Variants in GRIK2 observed in about 807,000 individuals in gnomAD.
GRIK2 encodes the protein glutamate receptor ionotropic, kainate 2.
In GRIK2, 32 loss-of-function variants were observed where a neutral mutation model predicts 100.3. That is an observed-to-expected ratio of 0.32 (90% CI 0.24 to 0.43). GRIK2 has a LOEUF of 0.43. GRIK2 is among the 20% of genes least tolerant of loss of function. GRIK2 has a pLI of 1.00. For missense variants in GRIK2, 843 were observed against 1,114.9 expected (o/e 0.76, Z 3.47); for synonymous variants, 417 against 389.4 (o/e 1.07, Z -0.83).
At chr6:101,742,896 G>A (rs550318456) in intron 7 of GRIK2, among the ~76,000 whole-genome samples, 17 of 152,136 alleles carry the variant, frequency 1.1e-4, no homozygotes, top group Non-Finnish European at 2.1e-4. Flanking sequence ...GCCTAAAACC[G>A]TCTCTCAGGT....
chr6:101,561,290 AATC>A (rs1370124415), intron 2 of GRIK2, among the ~76,000 whole-genome samples: 1 of 152,058 alleles, frequency 6.6e-6, no homozygotes, highest in African/African-American at 2.4e-5. Context: ...GTCCAAGAAA[AATC>A]ATGAGGAAAT....
rs143770694 is a variant in GRIK2 at position 101,968,022 on chromosome 6, C to T, written c.2085+39390C>T. Among the ~76,000 whole-genome samples, 6 of 151,754 alleles carry T rather than the reference C, an allele frequency of 4.0e-5. No homozygotes were observed. The East Asian group carries it at 1.2e-3, about 30-fold the overall frequency. ...GTTCTATTGACGCTTGAGATTCTCT[C>T]TGAGAACTAGAAAAGATGTGACTTC... On this transcript the variant is annotated intron_variant, in intron 14 of 16. Transcript: ENST00000369134.
chr6:101,947,036 A>T (rs1791324305), intron 14 of GRIK2, among the ~76,000 whole-genome samples: 1 of 152,156 alleles, frequency 6.6e-6, no homozygotes, highest in African/African-American at 2.4e-5. Flanking sequence ...TTTTAAAAAG[A>T]TTTACATTCC....
chr6:101,562,479 C>A (rs1777066936), intron 2 of GRIK2, among the ~76,000 whole-genome samples: 2 of 151,918 alleles, frequency 1.3e-5, no homozygotes, highest in South Asian at 4.2e-4. Flanking sequence ...GCTGGGATTA[C>A]AGGCATGCAC....
intron 7 of GRIK2, among the ~76,000 whole-genome samples, chr6:101,770,549 A>G (rs956806259): frequency 6.6e-6 from 1 of 152,240 alleles, no homozygotes; most frequent in Non-Finnish European, 1.5e-5. Context: ...TATAAAACTC[A>G]GAAGTATAAA....
intron 2 of GRIK2, among the ~76,000 whole-genome samples, chr6:101,515,763 G>T (rs533703330): frequency 1.3e-5 from 2 of 152,032 alleles, no homozygotes; most frequent in African/African-American, 4.8e-5. Flanking sequence ...TGATGGGATT[G>T]TTTGTTTTTA....
chr6:101,935,087 T>C (rs1790533616), intron 14 of GRIK2, among the ~76,000 whole-genome samples: 1 of 151,944 alleles, frequency 6.6e-6, no homozygotes, highest in Non-Finnish European at 1.5e-5. Flanking sequence ...CAGCACATGG[T>C]TAGAAATCAG....
rs186203363 is a variant in GRIK2 at position 101,559,250 on chromosome 6, G to A, written c.116-62699G>A. 4.7e-4 allele frequency among the ~76,000 whole-genome samples: 72 copies of A among 152,090 alleles called. No individual in the cohort carries two copies. The East Asian group carries it at 0.013, about 27-fold the overall frequency. On this transcript the variant is annotated intron_variant, in intron 2 of 16. Coordinates refer to ENST00000369134, the MANE Select transcript of GRIK2 (RefSeq NM_021956.5). Reference sequence around the variant, plus strand: ...ATATAGTTTAAGTAAATATAGCTAAGTGTATTTAATAAGTTATAGTCTAAG... The same window carrying A: ...ATATAGTTTAAGTAAATATAGCTAAATGTATTTAATAAGTTATAGTCTAAG...
rs969593872 is a variant in GRIK2, at chr6:102,053,804, T to C, written c.2312-1526T>C. On this transcript the variant is annotated intron_variant, in intron 15 of 16. Coordinates refer to ENST00000369134, the MANE Select transcript of GRIK2 (RefSeq NM_021956.5). Reference sequence around the variant, plus strand: ...AAAGCTTGTAATGTATTTAGGAAAATAGAACATATCTCAACAGGTAAATAA... The same window carrying C: ...AAAGCTTGTAATGTATTTAGGAAAACAGAACATATCTCAACAGGTAAATAA... Among the ~76,000 whole-genome samples, 7 of 152,120 alleles carry C rather than the reference T, an allele frequency of 4.6e-5. No individual in the cohort carries two copies. In the South Asian group the frequency reaches 1.4e-3, roughly 32 times the overall value.
chr6:101,725,489 A>G (rs1562337187), intron 7 of GRIK2, among the ~76,000 whole-genome samples: 2 of 152,102 alleles, frequency 1.3e-5, no homozygotes, highest in South Asian at 2.1e-4. Flanking sequence ...AACCATCTGT[A>G]TTTGCCTTGT....
intron 7 of GRIK2, among the ~76,000 whole-genome samples, chr6:101,720,150 G>A (rs1341432416): frequency 1.3e-5 from 2 of 151,408 alleles, no homozygotes; most frequent in African/African-American, 2.4e-5. Context: ...CTAGGGAGCT[G>A]TATCAAACTT....
chr6:101,504,887 G>C (rs1773943079), intron 2 of GRIK2, among the ~76,000 whole-genome samples: 1 of 152,056 alleles, frequency 6.6e-6, no homozygotes, highest in Admixed American at 6.6e-5. Flanking sequence ...CACAATCCTG[G>C]TGAGTTGCAG....
chr6:101,777,004 T>A (rs1583127894), intron 7 of GRIK2, among the ~76,000 whole-genome samples: 2 of 152,312 alleles, frequency 1.3e-5, no homozygotes, highest in Middle Eastern at 3.4e-3. Flanking sequence ...GCCATCATCG[T>A]CCAACACCTG....
At chr6:101,493,209 TA>T (rs1297738592) in intron 2 of GRIK2, among the ~76,000 whole-genome samples, 2 of 151,816 alleles carry the variant, frequency 1.3e-5, no homozygotes, top group African/African-American at 4.8e-5. Context: ...AGAGAAGCAA[TA>T]GGCAAAGGAG....
chr6:101,771,968 A>G lies in GRIK2; in HGVS notation c.952-27680A>G, dbSNP rs145243915. On this transcript the variant is annotated intron_variant, in intron 7 of 16. Transcript: ENST00000369134. ...TTTGGGTTGGTTCCAAGTCTTTGCT[A>G]TTGTGAATAGTGTCGCAATAAACAT... is the stretch of plus-strand genomic sequence containing the variant. Among the ~76,000 whole-genome samples, 1,249 of 152,122 alleles carry G rather than the reference A, an allele frequency of 8.2e-3. 16 individuals carry two copies. The highest frequency in any genetic ancestry group is 0.027 in the African/African-American group (1,131 of 41,492).
Position 101,648,896 on chromosome 6 carries a change from G to T in GRIK2, c.541+22259G>T, listed in dbSNP as rs541050721. ...CAAACATGGTGGAAGATAAAGGAAA[G>T]ACATGTCTTACATGGTGGCAGGCAA... On this transcript the variant is annotated intron_variant, in intron 4 of 16. Coordinates refer to ENST00000369134, the MANE Select transcript of GRIK2 (RefSeq NM_021956.5). Among the ~76,000 whole-genome samples, 8 of 152,184 alleles carry T rather than the reference G, an allele frequency of 5.3e-5. No individual in the cohort carries two copies. In the South Asian group the frequency reaches 1.2e-3, roughly 24 times the overall value.
intron 2 of GRIK2, among the ~76,000 whole-genome samples, chr6:101,611,387 G>A (rs1404961208): frequency 6.6e-6 from 1 of 151,852 alleles, no homozygotes; most frequent in Non-Finnish European, 1.5e-5. Context: ...ATGTATGCAA[G>A]TGGACCTTTA....
intron 2 of GRIK2, among the ~76,000 whole-genome samples, chr6:101,407,121 AT>A (rs1775637064): frequency 6.6e-6 from 1 of 152,102 alleles, no homozygotes; most frequent in African/African-American, 2.4e-5. Flanking sequence ...TATTTGGTCT[AT>A]TTTATGTTGT....
Position 101,952,794 on chromosome 6 carries a change from G to C in GRIK2, c.2085+24162G>C, listed in dbSNP as rs956676030. The stretch of plus-strand genomic sequence containing the variant: ...ATTTTTTGTATTTTTAGTAGAGACG[G>C]GGTTTCACCGTGTTAGCCAGGATGG... On this transcript the variant is annotated intron_variant, in intron 14 of 16. Coordinates refer to ENST00000369134, the MANE Select transcript of GRIK2 (RefSeq NM_021956.5). 2.6e-5 allele frequency among the ~76,000 whole-genome samples: 4 copies of C among 151,994 alleles called. No homozygotes were observed. The East Asian group carries it at 5.8e-4, about 22-fold the overall frequency.
Sources: allele counts gnomAD v4.1 joint callset (sites outside exome capture counted in the v4.1 genomes callset), GRCh38; gene constraint gnomAD v4.1.1; transcripts MANE v1.5; gene names NCBI Gene and HGNC (gene_info 2026-07-23, HGNC 2026-07-21).